Variants in CSRNP2 observed in about 807,000 individuals in gnomAD.
CSRNP2 encodes cysteine/serine-rich nuclear protein 2.
Under a neutral mutation model 36.6 loss-of-function variants are expected in CSRNP2, and 11 were observed. The ratio of observed to expected loss-of-function variants is 0.30; its 90% CI spans 0.19 to 0.50. CSRNP2 has a LOEUF of 0.50. Among genes scored for constraint, CSRNP2 ranks in the 20% least tolerant of loss-of-function variants. The probability of loss-of-function intolerance (pLI) is 0.98; values close to 1 mark genes in which losing one functional copy is unlikely to be tolerated. For missense variants in CSRNP2, 483 were observed against 691.4 expected (o/e 0.70, Z 3.38); for synonymous variants, 248 against 275.3 (o/e 0.90, Z 0.98).
chr12:51,073,819 G>C lies in CSRNP2; in HGVS notation c.411+4C>G, dbSNP rs759495188. The C allele has an allele frequency of 1.2e-6, 2 of 1,613,018 alleles. No individual in the cohort carries two copies. Among genetic ancestry groups the C allele is most frequent in the Middle Eastern group, 1.7e-4 (1 of 5,992 alleles). On this transcript the variant is annotated splice_donor_region_variant and intron_variant, in intron 3 of 4. Transcript: ENST00000228515. ...CAGCAGTAGATCCCAGAACACTTAG[G>C]CACCTTCATTTTCTTGGCATGGAGT... is the stretch of plus-strand genomic sequence containing the variant.
chr12:51,070,472 C>T (rs1328086362), intron 3 of CSRNP2, among the ~76,000 whole-genome samples: 4 of 152,098 alleles, frequency 2.6e-5, no homozygotes, highest in African/African-American at 9.7e-5. Flanking sequence ...GCTGTCCTCT[C>T]ATAGGCAAGG....
intron 1 of CSRNP2, among the ~76,000 whole-genome samples, chr12:51,077,752 G>A (rs1939453341): frequency 6.6e-6 from 1 of 152,158 alleles, no homozygotes; most frequent in South Asian, 2.1e-4. Flanking sequence ...TCTGTGCAAG[G>A]ACATTGTAGC....
intron 1 of CSRNP2, among the ~76,000 whole-genome samples, chr12:51,082,182 T>G (rs1939669062): frequency 6.6e-6 from 1 of 152,216 alleles, no homozygotes; most frequent in South Asian, 2.1e-4. Context: ...TCATATACCA[T>G]GAATTTCATG....
intron 2 of CSRNP2, among the ~76,000 whole-genome samples, chr12:51,074,661 A>G (rs969713928): frequency 6.6e-6 from 1 of 152,222 alleles, no homozygotes; most frequent in Non-Finnish European, 1.5e-5. Context: ...AGCTGGGAAG[A>G]GGATCTCTAG....
At chr12:51,066,265 C>G (rs980257496) in intron 4 of CSRNP2, among the ~76,000 whole-genome samples, 2 of 151,754 alleles carry the variant, frequency 1.3e-5, no homozygotes, top group Non-Finnish European at 2.9e-5. Context: ...CCATCCTGGC[C>G]TACATGGTGA....
At chr12:51,079,153 C>T (rs1448359331) in intron 1 of CSRNP2, among the ~76,000 whole-genome samples, 1 of 152,024 alleles carries the variant, frequency 6.6e-6, no homozygotes, top group Non-Finnish European at 1.5e-5. Context: ...CGTTCTCACT[C>T]ATAGGTGGGA....
rs1443694297 is a variant in CSRNP2 at position 51,064,206 on chromosome 12, A to G, written c.1172T>C (p.Val391Ala). ...IQAQLPPGSS[V>A]LCFTENSDHP... is the part of the protein sequence containing the mutation. Reference sequence around the variant, plus strand: ...GTCTGAGTTCTCGGTAAAACACAGGACAGAGGAGCCTGGGGGCAGCTGAGC... The same window carrying G: ...GTCTGAGTTCTCGGTAAAACACAGGGCAGAGGAGCCTGGGGGCAGCTGAGC... The change falls in exon 5 of 5, where the codon GTC becomes GCC. Residue 391 changes from valine (V) to alanine (A), a missense_variant. Val to Ala is a moderately conservative substitution (Grantham distance 64, BLOSUM62 0). Transcript: ENST00000228515. 7 of 1,613,902 alleles carry G rather than the reference A, an allele frequency of 4.3e-6. No individual in the cohort carries two copies. Among genetic ancestry groups the G allele is most frequent in the African/African-American group, 1.3e-5 (1 of 74,908 alleles).
At chr12:51,080,851 C>T (rs377113862) in intron 1 of CSRNP2, among the ~76,000 whole-genome samples, 1 of 152,330 alleles carries the variant, frequency 6.6e-6, no homozygotes, top group South Asian at 2.1e-4. Context: ...TGAAGATGTT[C>T]ACTGGGCACC....
At chr12:51,066,735 T>TAA (rs1474091801) in intron 4 of CSRNP2, among the ~76,000 whole-genome samples, 1 of 152,218 alleles carries the variant, frequency 6.6e-6, no homozygotes, top group African/African-American at 2.4e-5. Context: ...TCCTGAATTA[T>TAA]AAAGCTCTGA....
At chr12:51,082,625 C>A (rs1296571586) in intron 1 of CSRNP2, 1 of 152,190 alleles carries the variant, frequency 6.6e-6, no homozygotes, top group Non-Finnish European at 1.5e-5. Context: ...CCACTCTCAA[C>A]CCCTTTAAAA....
intron 3 of CSRNP2, among the ~76,000 whole-genome samples, chr12:51,068,466 C>T (rs564463898): frequency 2.6e-4 from 40 of 152,176 alleles, no homozygotes; most frequent in Non-Finnish European, 4.0e-4. Flanking sequence ...ATTGAATAGC[C>T]GTATGTGACT....
chr12:51,064,807 C>G, intron 4 of CSRNP2, 138 bp from the exon 5 acceptor site: 1 of 612,752 alleles, frequency 1.6e-6, no homozygotes. Context: ...CAAAGCATAG[C>G]ATGCAGTGTG....
chr12:51,070,713 T>G (rs1479842290), intron 3 of CSRNP2, among the ~76,000 whole-genome samples: 3 of 151,764 alleles, frequency 2.0e-5, no homozygotes, highest in Non-Finnish European at 4.4e-5. Flanking sequence ...ATTAGAAAAA[T>G]TATAGTTAAC....
chr12:51,075,587 T>A (rs981494885), intron 2 of CSRNP2, among the ~76,000 whole-genome samples: 1 of 152,232 alleles, frequency 6.6e-6, no homozygotes, highest in Non-Finnish European at 1.5e-5. Flanking sequence ...CTACAGGCCA[T>A]GAGGTCTCTG....
rs765689102 is a variant in CSRNP2, at chr12:51,064,646, A to G, written c.732T>C (p.Cys244=). The G allele has an allele frequency of 2.0e-6, 3 of 1,530,184 alleles. No homozygotes were observed. Among genetic ancestry groups the G allele is most frequent in the Admixed American group, 2.1e-5 (1 of 47,756 alleles). The allele number at this position is 1,530,184 out of a possible 1,614,324, so 94.8% of individuals were successfully genotyped here. The part of the protein sequence containing the change: ...KCQVDRMSFP[C]GCSRDGCGNM... ...TCCCACAGCCATCCCGGGAGCAGCC[A>G]CATGGAAAGGACATGCGATCCACCT... Residue 244 remains cysteine, a synonymous_variant, in exon 5 of 5, where the codon TGT becomes TGC. Transcript: ENST00000228515.
rs1939412817 is a variant in CSRNP2 at position 51,076,595 on chromosome 12, A to G, written c.-34T>C. ...AAGGGGTTTCCTTGGGGAGCCCACC[A>G]AGTTGGCCCCAAAGCCCCTACTCAC... On this transcript the variant is annotated 5_prime_UTR_variant, in exon 2 of 5. Coordinates refer to ENST00000228515, the MANE Select transcript of CSRNP2 (RefSeq NM_030809.3). 6.2e-7 allele frequency: 1 copy of G among 1,612,860 alleles called. No individual in the cohort carries two copies. The highest frequency in any genetic ancestry group is 8.5e-7 in the Non-Finnish European group (1 of 1,179,150).
intron 3 of CSRNP2, among the ~76,000 whole-genome samples, chr12:51,070,836 T>G (rs901399472): frequency 5.3e-5 from 8 of 152,174 alleles, no homozygotes; most frequent in African/African-American, 1.7e-4. Flanking sequence ...GCCTCCCTTA[T>G]AGAGAGCTAA....
chr12:51,083,011 A>G (rs1332710027), intron 1 of CSRNP2: 1 of 151,002 alleles, frequency 6.6e-6, no homozygotes, highest in East Asian at 2.0e-4. Context: ...ACTTTCCTCC[A>G]TCCTACATCA....
chr12:51,073,085 GC>G (rs1300943905), intron 3 of CSRNP2, among the ~76,000 whole-genome samples: 1 of 152,058 alleles, frequency 6.6e-6, no homozygotes, highest in African/African-American at 2.4e-5. Flanking sequence ...AGGCATGGTG[GC>G]ATGAGCCTGT....
Sources: gnomAD v4.1 joint callset for allele counts (sites outside exome capture counted in the v4.1 genomes callset) on GRCh38, gnomAD v4.1.1 for gene constraint, MANE v1.5 for transcripts, NCBI Gene and HGNC (gene_info 2026-07-23, HGNC 2026-07-21) for gene names.